Variants in PRDM2 observed in about 807,000 individuals in gnomAD.
PRDM2 encodes the protein PR domain zinc finger protein 2.
PRDM2 carries 30 observed loss-of-function variants against 130.0 expected under a neutral mutation model. The observed-to-expected ratio is 0.23, with a 90% CI of 0.17 to 0.31. PRDM2 has a LOEUF of 0.31. Ranked by LOEUF, PRDM2 falls within the 10% of genes least tolerant of loss-of-function variation. The pLI is 1.00. For synonymous variants in PRDM2, 871 were observed against 782.4 expected, an observed-to-expected ratio of 1.11 and a Z score of -1.89; for missense variants, 2,011 against 2,108.4, an observed-to-expected ratio of 0.95 and a Z score of 0.90.
intron 1 of PRDM2, among the ~76,000 whole-genome samples, chr1:13,708,101 A>C (rs1007060180): frequency 6.6e-6 from 1 of 152,114 alleles, no homozygotes; most frequent in African/African-American, 2.4e-5. Context: ...ATAATCAGCA[A>C]CTGCCATACG....
rs112778466 is a variant in PRDM2 at position 13,732,840 on chromosome 1, GA to G, written c.196del (p.Arg66AspfsTer37). The G allele has an allele frequency of 1.9e-6, 3 of 1,606,282 alleles. No individual in the cohort carries two copies. Among genetic ancestry groups the G allele is most frequent in the Admixed American group, 1.7e-5 (1 of 58,658 alleles). On this transcript the variant is annotated frameshift_variant, in exon 4 of 10. Transcript: ENST00000311066. LOFTEE classifies it high-confidence loss of function. Reference protein sequence around the residue: ...KKFGPFVGDKKKRSQVKNNVY... With the variant: ...KKFGPFVGDKXKRSQVKNNVY... ...AATTTGGGCCATTTGTTGGTGATAAGAAAAAAAGATCTCAGGTTAAGAATAA... is the reference window on the plus strand; with the variant it reads ...AATTTGGGCCATTTGTTGGTGATAAGAAAAAAGATCTCAGGTTAAGAATAA...
rs571145379 is a variant in PRDM2 at position 13,771,354 on chromosome 1, G to T, written c.512-1724G>T. ...ATTTTAAGTGCCTTTGGAAATGAAT[G>T]GATAGACAGGCTATCAGGAATTTAT... On this transcript the variant is annotated intron_variant, in intron 6 of 9. Coordinates refer to ENST00000311066, the MANE Select transcript of PRDM2 (RefSeq NM_001393986.1). This position sits in a 1 kb window ranked among gnomAD's most constrained non-coding sequence, Gnocchi z 4.1. Among the ~76,000 whole-genome samples the T allele has an allele frequency of 2.6e-5, 4 of 152,166 alleles. No homozygotes were observed. Among genetic ancestry groups the T allele is most frequent in the Non-Finnish European group, 5.9e-5 (4 of 68,034 alleles).
At chr1:13,812,685 A>C (rs1645192912) in intron 8 of PRDM2, among the ~76,000 whole-genome samples, 2 of 152,154 alleles carry the variant, frequency 1.3e-5, no homozygotes, top group African/African-American at 4.8e-5. Flanking sequence ...TTGAGCCAAA[A>C]GTCTGACCGA....
chr1:13,805,123 T>G (rs192042234), intron 8 of PRDM2, among the ~76,000 whole-genome samples: 1 of 152,300 alleles, frequency 6.6e-6, no homozygotes. Context: ...CTTACAGGAC[T>G]GCTGGGAATT....
chr1:13,792,934 C>T (rs926889250), intron 8 of PRDM2, among the ~76,000 whole-genome samples: 3 of 152,244 alleles, frequency 2.0e-5, no homozygotes, highest in Non-Finnish European at 4.4e-5. Flanking sequence ...AGTGGAGACC[C>T]CAAACCCAGC....
intron 4 of PRDM2, among the ~76,000 whole-genome samples, chr1:13,739,802 T>C (rs1391965302): frequency 6.6e-6 from 1 of 152,220 alleles, no homozygotes; most frequent in Non-Finnish European, 1.5e-5. Flanking sequence ...TGCTAAATTC[T>C]TCACAAAATC....
intron 6 of PRDM2, among the ~76,000 whole-genome samples, chr1:13,769,887 G>A (rs1644318756): frequency 6.6e-6 from 1 of 152,062 alleles, no homozygotes; most frequent in Non-Finnish European, 1.5e-5. Context: ...TCTCCCCAGG[G>A]GACATCTGGC....
At chr1:13,778,338 C>T (rs1359677791) in intron 7 of PRDM2, 80 bp from the exon 8 acceptor site, 2 of 1,388,348 alleles carry the variant, frequency 1.4e-6, no homozygotes, top group East Asian at 4.6e-5. Flanking sequence ...AGAGAAATAA[C>T]TTGAATCATT....
chr1:13,731,245 T>C, intron 3 of PRDM2, 128 bp downstream of exon 3: 1 of 717,798 alleles, frequency 1.4e-6, no homozygotes, highest in South Asian at 1.7e-5. Context: ...CTTAGAAGAT[T>C]ATATGGTGTT....
chr1:13,702,849 T>C (rs1015775279), intron 1 of PRDM2, among the ~76,000 whole-genome samples: 2 of 152,184 alleles, frequency 1.3e-5, no homozygotes, highest in African/African-American at 4.8e-5. Context: ...ACTAGAAAAC[T>C]CCATAATGGG....
chr1:13,733,904 A>G (rs1643187122), intron 4 of PRDM2, among the ~76,000 whole-genome samples: 1 of 152,244 alleles, frequency 6.6e-6, no homozygotes, highest in Non-Finnish European at 1.5e-5. Flanking sequence ...ACACATTAAC[A>G]TAGAAAAGCC....
chr1:13,728,924 C>G lies in PRDM2; in HGVS notation c.10-2076C>G, dbSNP rs576850723. 8.8e-4 allele frequency among the ~76,000 whole-genome samples: 134 copies of G among 152,270 alleles called. 3 individuals carry two copies. In the Middle Eastern group the frequency reaches 0.024, roughly 27 times the overall value. On this transcript the variant is annotated intron_variant, in intron 2 of 9. Transcript: ENST00000311066. ...TGCCTTAAGCACCATCTCCTGCTGA[C>G]ATTTCCATGGAAATCTGGAAGTTTT...
chr1:13,725,168 T>G (rs969309326), intron 2 of PRDM2, among the ~76,000 whole-genome samples: 1 of 152,294 alleles, frequency 6.6e-6, no homozygotes, highest in Non-Finnish European at 1.5e-5. Context: ...TAGTTATAGA[T>G]CCACATGAAG....
At chr1:13,789,381 C>A (rs1167621679) in intron 8 of PRDM2, among the ~76,000 whole-genome samples, 5 of 152,164 alleles carry the variant, frequency 3.3e-5, no homozygotes. Flanking sequence ...TTAATGTATG[C>A]CTGGCTGTGT....
At chr1:13,717,497 T>A in intron 2 of PRDM2, 1 of 877,258 alleles carries the variant, frequency 1.1e-6, no homozygotes. Context: ...AATCATTTAT[T>A]TGATATGTCT....
At chr1:13,783,363 C>T (rs1302926659) in intron 8 of PRDM2, among the ~76,000 whole-genome samples, 1 of 152,122 alleles carries the variant, frequency 6.6e-6, no homozygotes, top group East Asian at 1.9e-4. Context: ...AAAACATAGT[C>T]CTTTAAAAAG....
At chr1:13,774,243 G>A (rs1644422033) in intron 7 of PRDM2, among the ~76,000 whole-genome samples, 2 of 152,236 alleles carry the variant, frequency 1.3e-5, no homozygotes, top group African/African-American at 2.4e-5. Context: ...ATACAGAAGG[G>A]AAGGAGGTGT....
At chr1:13,764,912 A>G (rs532674302) in intron 6 of PRDM2, among the ~76,000 whole-genome samples, 1 of 152,270 alleles carries the variant, frequency 6.6e-6, no homozygotes, top group Admixed American at 6.5e-5. Flanking sequence ...ATTTGAAATT[A>G]TGCCAAACGA....
chr1:13,807,495 G>A (rs749971738), intron 8 of PRDM2, among the ~76,000 whole-genome samples: 1 of 152,190 alleles, frequency 6.6e-6, no homozygotes, highest in South Asian at 2.1e-4. Flanking sequence ...AAAGGGAGTC[G>A]AGATGGGGAG....
Sources: gnomAD v4.1 joint callset for allele counts (sites outside exome capture counted in the v4.1 genomes callset) on GRCh38, gnomAD v4.1.1 for gene constraint, Gnocchi (gnomAD v3.1) non-coding constraint, MANE v1.5 for transcripts, NCBI Gene and HGNC (gene_info 2026-07-23, HGNC 2026-07-21) for gene names.